PLXNA2: variants seen among roughly 807,000 people sequenced by gnomAD.
The protein encoded by PLXNA2 is plexin A2.
PLXNA2 carries 91 observed loss-of-function variants against 193.5 expected under a neutral mutation model. The ratio of observed to expected loss-of-function variants is 0.47; its 90% confidence interval spans 0.40 to 0.56. The LOEUF (loss-of-function observed/expected upper bound fraction) is 0.56, where lower values mean the gene tolerates loss of function less well. Ranked by LOEUF, PLXNA2 falls within the 20% of genes least tolerant of loss-of-function variation. PLXNA2 has a pLI of 0.00. For missense variants in PLXNA2, 1,995 were observed against 2,503.2 expected (o/e 0.80, Z 4.33); for synonymous variants, 997 against 1,027.3 (o/e 0.97, Z 0.56).
intron 3 of PLXNA2, among the ~76,000 whole-genome samples, chr1:208,203,825 T>C (rs150948086): frequency 6.6e-6 from 1 of 152,318 alleles, no homozygotes; most frequent in East Asian, 1.9e-4. Context: ...TTGAGGAAGA[T>C]GAAAAGAACC....
intron 3 of PLXNA2, among the ~76,000 whole-genome samples, chr1:208,156,396 G>A (rs917155178): frequency 6.6e-6 from 1 of 151,764 alleles, no homozygotes; most frequent in African/African-American, 2.4e-5. Context: ...CACATGCTAC[G>A]AATTGGACAT....
chr1:208,099,374 A>AT (rs950881458), intron 5 of PLXNA2, among the ~76,000 whole-genome samples: 18 of 152,200 alleles, frequency 1.2e-4, no homozygotes, highest in Admixed American at 3.3e-4. Flanking sequence ...CTGTTATAGA[A>AT]TTTTGGGGGA....
chr1:208,161,396 C>A (rs186094842), intron 3 of PLXNA2, among the ~76,000 whole-genome samples: 3 of 152,298 alleles, frequency 2.0e-5, no homozygotes, highest in Admixed American at 6.5e-5. Context: ...TTATTTTTTG[C>A]TTCTTCAAAG....
chr1:208,098,505 ATTTCT>A (rs1449506132), intron 6 of PLXNA2, among the ~76,000 whole-genome samples: 32 of 149,928 alleles, frequency 2.1e-4, no homozygotes, highest in African/African-American at 7.3e-4. Flanking sequence ...CAACTCACAG[ATTTCT>A]TTAAGAGTGC....
At position 208,042,121 on chromosome 1, in the gene PLXNA2, G is replaced by A. The variant is rs1664890126; in HGVS notation, c.4263C>T (p.Asn1421=). The change falls in exon 22 of 32, where the codon AAC becomes AAT. Residue 1421 remains asparagine (N), a synonymous_variant. Coordinates refer to ENST00000367033, the MANE Select transcript of PLXNA2 (RefSeq NM_025179.4). ...ACCTCCGGAGTAGCAGCTTGGGGTG[G>A]TTCTTGTTCTCCAGGTTCTTATCGA... is the stretch of plus-strand genomic sequence containing the variant. The part of the protein sequence containing the change: ...DLIDKNLENK[N]HPKLLLRRTE... The A allele has an allele frequency of 1.2e-6, 2 of 1,614,108 alleles. No individual in the cohort carries two copies. The highest frequency in any genetic ancestry group is 1.7e-6 in the Non-Finnish European group (2 of 1,180,004).
chr1:208,068,412 G>GA (rs1665867301), intron 12 of PLXNA2, among the ~76,000 whole-genome samples: 1 of 152,170 alleles, frequency 6.6e-6, no homozygotes, highest in Non-Finnish European at 1.5e-5. Flanking sequence ...TCGAATGGAG[G>GA]ACTGAACAGC....
chr1:208,244,304 TGGCGGCGGCGGCGGCGGC>T lies in PLXNA2; in HGVS notation c.-760_-743del, dbSNP rs750500251. 5 of 194,318 alleles carry T rather than the reference TGGCGGCGGCGGCGGCGGC, an allele frequency of 2.6e-5. No individual in the cohort carries two copies. The highest frequency in any genetic ancestry group is 9.1e-5 in the South Asian group (1 of 10,944). 12.0% of individuals were successfully genotyped at this position (194,318 alleles called of 1,614,324 possible). On this transcript the variant is annotated 5_prime_UTR_variant, in exon 1 of 32. Coordinates refer to ENST00000367033, the MANE Select transcript of PLXNA2 (RefSeq NM_025179.4). ...CTCCCGGCAGCTCTGGCTCCCGCGG[TGGCGGCGGCGGCGGCGGC>T]GGCGGCGGCGGCGGAGGAGCCCTGA...
chr1:208,172,846 G>A (rs1036456301), intron 3 of PLXNA2, among the ~76,000 whole-genome samples: 1 of 152,156 alleles, frequency 6.6e-6, no homozygotes, highest in Non-Finnish European at 1.5e-5. Flanking sequence ...CTCTGGGGAC[G>A]GCTGGCTGGC....
intron 1 of PLXNA2, among the ~76,000 whole-genome samples, chr1:208,235,558 C>A (rs533060790): frequency 6.6e-6 from 1 of 152,176 alleles, no homozygotes; most frequent in Admixed American, 6.5e-5. Context: ...TCTGCCAGAG[C>A]GTAACTAACC....
chr1:208,157,868 T>C (rs1256775521), intron 3 of PLXNA2, among the ~76,000 whole-genome samples: 1 of 152,220 alleles, frequency 6.6e-6, no homozygotes, highest in Non-Finnish European at 1.5e-5. Context: ...GAGATTCTTC[T>C]CATAGGAGAG....
At chr1:208,058,235 G>C (rs978174136) in intron 13 of PLXNA2, among the ~76,000 whole-genome samples, 1 of 152,224 alleles carries the variant, frequency 6.6e-6, no homozygotes, top group East Asian at 1.9e-4. Flanking sequence ...CCTGTCCCAG[G>C]AGGGGCTGAG....
At chr1:208,049,608 T>A (rs1284035853) in intron 17 of PLXNA2, among the ~76,000 whole-genome samples, 1 of 152,216 alleles carries the variant, frequency 6.6e-6, no homozygotes, top group African/African-American at 2.4e-5. Context: ...GTGGCCTAGT[T>A]ACGAAGAGTC....
intron 4 of PLXNA2, among the ~76,000 whole-genome samples, chr1:208,109,023 C>A (rs532964215): frequency 2.0e-5 from 3 of 152,340 alleles, no homozygotes; most frequent in East Asian, 1.9e-4. Flanking sequence ...CTGGAATCTT[C>A]CCTGGAATCT....
chr1:208,139,412 G>A (rs1416418570), intron 4 of PLXNA2, among the ~76,000 whole-genome samples: 1 of 152,178 alleles, frequency 6.6e-6, no homozygotes, highest in East Asian at 1.9e-4. Flanking sequence ...CTGAGAAATG[G>A]GATCATGAGG....
At chr1:208,206,177 C>T (rs1670713994) in intron 3 of PLXNA2, among the ~76,000 whole-genome samples, 1 of 152,142 alleles carries the variant, frequency 6.6e-6, no homozygotes, top group Non-Finnish European at 1.5e-5. Context: ...TTCACTTTTT[C>T]CCTTCACATA....
chr1:208,217,934 C>A lies in PLXNA2; in HGVS notation c.-12G>T, dbSNP rs373184088. The A allele has an allele frequency of 1.3e-4, 201 of 1,605,672 alleles. 2 individuals carry two copies. Among genetic ancestry groups the A allele is most frequent in the South Asian group, 6.3e-4 (57 of 91,024 alleles). Reference sequence around the variant, plus strand: ...CGCCTCTGTTCCATGCTGAGAGGGGCGGCGGTGAGGAGACGGCTCCTGTGT... The same window carrying A: ...CGCCTCTGTTCCATGCTGAGAGGGGAGGCGGTGAGGAGACGGCTCCTGTGT... On this transcript the variant is annotated 5_prime_UTR_variant, in exon 2 of 32. Transcript: ENST00000367033. The surrounding 1 kb of genome is among the most constrained non-coding windows in gnomAD (Gnocchi z 4.7).
intron 3 of PLXNA2, among the ~76,000 whole-genome samples, chr1:208,206,537 A>G (rs1197154403): frequency 2.6e-5 from 4 of 152,260 alleles, no homozygotes; most frequent in Admixed American, 2.6e-4. Context: ...GTGGCACCCA[A>G]GGTCTAGAAT....
chr1:208,074,758 T>G (rs1030190224), intron 12 of PLXNA2, among the ~76,000 whole-genome samples: 1 of 152,196 alleles, frequency 6.6e-6, no homozygotes, highest in East Asian at 1.9e-4. Flanking sequence ...GGACTGGAGA[T>G]TCTGCCACCC....
chr1:208,114,036 G>C (rs1667568470), intron 4 of PLXNA2, among the ~76,000 whole-genome samples: 1 of 152,114 alleles, frequency 6.6e-6, no homozygotes, highest in African/African-American at 2.4e-5. Context: ...TCTGAGATGA[G>C]GATTCAGAAT....
Sources: allele counts gnomAD v4.1 joint callset (sites outside exome capture counted in the v4.1 genomes callset), GRCh38; gene constraint gnomAD v4.1.1; non-coding constraint Gnocchi (gnomAD v3.1); transcripts MANE v1.5; gene names NCBI Gene and HGNC (gene_info 2026-07-23, HGNC 2026-07-21).